AKAP8L: variants seen among roughly 807,000 people sequenced by gnomAD.
AKAP8L encodes the protein A-kinase anchoring protein 8 like.
A neutral mutation model predicts 77.5 loss-of-function variants in AKAP8L; 34 were observed. The ratio of observed to expected loss-of-function variants is 0.44; its 90% CI spans 0.33 to 0.58. The LOEUF (loss-of-function observed/expected upper bound fraction) is 0.58. Ranked by LOEUF, AKAP8L falls within the 20% of genes least tolerant of loss-of-function variation. The pLI is 0.02. For synonymous variants in AKAP8L, 342 were observed against 340.7 expected (o/e 1.00, Z -0.04); for missense variants, 806 against 887.6 (o/e 0.91, Z 1.17).
chr19:15,416,634 C>T (rs1968212669), intron 1 of AKAP8L, among the ~76,000 whole-genome samples: 1 of 152,214 alleles, frequency 6.6e-6, no homozygotes, highest in Admixed American at 6.5e-5. Context: ...AATCACCTAT[C>T]CATTCCAAAC....
At chr19:15,405,324 A>C (rs1967974920) in intron 2 of AKAP8L, among the ~76,000 whole-genome samples, 1 of 152,154 alleles carries the variant, frequency 6.6e-6, no homozygotes. Context: ...ACCTGAGGTC[A>C]GGAGTTTGAA....
At position 15,399,087 on chromosome 19, in the gene AKAP8L, A is replaced by G. The variant is rs1599605342; in HGVS notation, c.1157+215T>C. 3.5e-6 allele frequency: 2 copies of G among 579,280 alleles called. No homozygotes were observed. The highest frequency in any genetic ancestry group is 6.0e-5 in the East Asian group (2 of 33,126). The allele number at this position is 579,280 out of a possible 1,614,324, so 35.9% of individuals were successfully genotyped here. ...CGAGCGGTGTCAGGTCTCGGCCCAC[A>G]GACGCCAGCGGTCGCCAGGCGGCCG... On this transcript the variant is annotated intron_variant, in intron 9 of 13. Transcript: ENST00000397410. The surrounding 1 kb of genome is among the most constrained non-coding windows in gnomAD (Gnocchi z 6.1).
chr19:15,389,252 A>C, intron 12 of AKAP8L, among the ~76,000 whole-genome samples: 1 of 151,132 alleles, frequency 6.6e-6, no homozygotes, highest in Non-Finnish European at 1.5e-5. Context: ...AAAAAAAAAG[A>C]ATTAGTGAAC....
chr19:15,397,849 C>G lies in AKAP8L; in HGVS notation c.1164G>C (p.Gln388His), dbSNP rs753152917. 1.2e-6 allele frequency: 2 copies of G among 1,613,776 alleles called. No homozygotes were observed. Among genetic ancestry groups the G allele is most frequent in the Non-Finnish European group, 1.7e-6 (2 of 1,179,816 alleles). Residue 388 changes from glutamine to histidine, a missense_variant, in exon 10 of 14, where the codon CAG (glutamine) becomes CAC (histidine). This residue lies in a region of AKAP8L where 580 missense variants were observed against 694.1 expected (regional missense o/e 0.84). Coordinates refer to ENST00000397410, the MANE Select transcript of AKAP8L (RefSeq NM_014371.4). The surrounding 1 kb of genome is among the most constrained non-coding windows in gnomAD (Gnocchi z 4.7). ...RQRDRMVERI[Q>H]FVCSLCKYRT... Reference sequence around the variant, plus strand: ...GGTATTTGCACAGAGAACACACAAACTGGATCCTGCCACAGGAAGGAAACG... The same window carrying G: ...GGTATTTGCACAGAGAACACACAAAGTGGATCCTGCCACAGGAAGGAAACG...
In AKAP8L at chr19:15,401,347, C is replaced by A. The variant is rs1342512755; in HGVS notation, c.619G>T (p.Ala207Ser). 8 of 1,613,376 alleles carry A rather than the reference C, an allele frequency of 5.0e-6. No homozygotes were observed. The highest frequency in any genetic ancestry group is 3.3e-5 in the Admixed American group (2 of 60,028). ...GCACCAGACATGCACTGGCCCCGGGCCCCCATGGGGTCTTCCCACATGCGC... is the reference window on the plus strand; with the variant it reads ...GCACCAGACATGCACTGGCCCCGGGACCCCATGGGGTCTTCCCACATGCGC... ...YGRMWEDPMG[A>S]RGQCMSGASR... The change falls in exon 5 of 14, where the codon GCC (alanine) becomes TCC (serine). Residue 207 changes from alanine (A) to serine (S), a missense_variant. Around this residue, in one of 2 missense-constraint regions of AKAP8L, gnomAD observed 580 missense variants for 694.1 expected, o/e 0.84. Coordinates refer to ENST00000397410, the MANE Select transcript of AKAP8L (RefSeq NM_014371.4). The surrounding 1 kb of genome is among the most constrained non-coding windows in gnomAD (Gnocchi z 6.2).
At position 15,397,381 on chromosome 19, in the gene AKAP8L, C is replaced by T; in HGVS notation, c.1406-101G>A. The T allele has an allele frequency of 6.6e-7, 1 of 1,513,938 alleles. No individual in the cohort carries two copies. Among genetic ancestry groups the T allele is most frequent in the Non-Finnish European group, 9.0e-7 (1 of 1,108,034 alleles). The allele number at this position is 1,513,938 out of a possible 1,614,324, so 93.8% of individuals were successfully genotyped here. ...ACCAGCTCCTCCTCAACTCGCCCTGCCACTTCCACCTGGGCCTGAGCCAAG... is the reference window on the plus strand; with the variant it reads ...ACCAGCTCCTCCTCAACTCGCCCTGTCACTTCCACCTGGGCCTGAGCCAAG... On this transcript the variant is annotated intron_variant, in intron 11 of 13. Transcript: ENST00000397410. The surrounding 1 kb of genome is among the most constrained non-coding windows in gnomAD (Gnocchi z 4.7).
At chr19:15,417,719 C>G (rs1012644291) in intron 1 of AKAP8L, 1 of 152,232 alleles carries the variant, frequency 6.6e-6, no homozygotes, top group Non-Finnish European at 1.5e-5. Context: ...CACAGACTCA[C>G]GTTGCATTCT....
At chr19:15,413,005 C>T (rs988974930) in intron 1 of AKAP8L, among the ~76,000 whole-genome samples, 1 of 152,200 alleles carries the variant, frequency 6.6e-6, no homozygotes, top group African/African-American at 2.4e-5. Flanking sequence ...AGTGCCTTCC[C>T]CCTGGGTAAG....
chr19:15,386,679 T>C (rs1414047712), intron 12 of AKAP8L, among the ~76,000 whole-genome samples: 1 of 152,020 alleles, frequency 6.6e-6, no homozygotes, highest in African/African-American at 2.4e-5. Context: ...TTTTCTGAGT[T>C]GGAGTTTCAC....
intron 12 of AKAP8L, among the ~76,000 whole-genome samples, chr19:15,394,245 G>A (rs1356977880): frequency 6.6e-6 from 1 of 152,152 alleles, no homozygotes; most frequent in Non-Finnish European, 1.5e-5. Context: ...CCATATGAAG[G>A]AATGAAGTTC....
chr19:15,399,993 C>A lies in AKAP8L; in HGVS notation c.1048+302G>T. The A allele has an allele frequency of 5.9e-6, 3 of 505,564 alleles. No homozygotes were observed. Among genetic ancestry groups the A allele is most frequent in the Non-Finnish European group, 1.1e-5 (3 of 281,746 alleles). The allele number at this position is 505,564 out of a possible 1,614,324, so 31.3% of individuals were successfully genotyped here. A position where few individuals can be genotyped will look rare whatever the true frequency, so the allele number is the denominator to read the frequency against. On this transcript the variant is annotated intron_variant, in intron 8 of 13. Coordinates refer to ENST00000397410, the MANE Select transcript of AKAP8L (RefSeq NM_014371.4). This position sits in a 1 kb window ranked among gnomAD's most constrained non-coding sequence, Gnocchi z 6.1. The stretch of plus-strand genomic sequence containing the variant: ...CTTGGAACTGCGCGTTACTGAGGGA[C>A]CGAGGGCAGGGGGCGTGCCTGGGGT...
At chr19:15,385,023 G>C (rs1967501181) in intron 12 of AKAP8L, among the ~76,000 whole-genome samples, 1 of 151,160 alleles carries the variant, frequency 6.6e-6, no homozygotes, top group African/African-American at 2.5e-5. Flanking sequence ...TGTTGCCCAG[G>C]CTGGAGTGCA....
chr19:15,381,944 C>T (rs1227426261), intron 12 of AKAP8L: 1 of 152,234 alleles, frequency 6.6e-6, no homozygotes, highest in Non-Finnish European at 1.5e-5. Flanking sequence ...GCCCAATTAA[C>T]TGCAGAACAT....
chr19:15,400,661 C>T, intron 7 of AKAP8L, 133 bp downstream of exon 7: 1 of 1,158,346 alleles, frequency 8.6e-7, no homozygotes, highest in Non-Finnish European at 1.3e-6. Flanking sequence ...TGCCAGACCA[C>T]ACTGCCTCCC....
intron 1 of AKAP8L, among the ~76,000 whole-genome samples, chr19:15,415,873 A>G (rs1477346522): frequency 3.7e-5 from 5 of 136,980 alleles, no homozygotes; most frequent in East Asian, 2.3e-4. Flanking sequence ...GTGACAGAGC[A>G]AGACTCCGTC....
intron 2 of AKAP8L, 103 bp downstream of exon 2, chr19:15,410,417 G>T: frequency 2.0e-6 from 2 of 1,003,480 alleles, no homozygotes; most frequent in Non-Finnish European, 3.0e-6. Context: ...ACAAGTTTAG[G>T]TTTAAAAAAG....
In AKAP8L at chr19:15,399,005, G is replaced by A; in HGVS notation, c.1157+297C>T. On this transcript the variant is annotated intron_variant, in intron 9 of 13. Transcript: ENST00000397410. The surrounding 1 kb of genome is among the most constrained non-coding windows in gnomAD (Gnocchi z 6.1). ...CCCTCAGGGGCATCAGGCCCCCAGT[G>A]CACCTTGGGGTTCGTGCGCCGAGTG... 1 of 423,438 alleles carries A rather than the reference G, an allele frequency of 2.4e-6. No homozygotes were observed. Among genetic ancestry groups the A allele is most frequent in the Non-Finnish European group, 4.3e-6 (1 of 231,252 alleles). The allele number at this position is 423,438 out of a possible 1,614,324, so 26.2% of individuals were successfully genotyped here.
chr19:15,402,344 C>A (rs1313482958), intron 4 of AKAP8L, among the ~76,000 whole-genome samples: 1 of 152,180 alleles, frequency 6.6e-6, no homozygotes, highest in African/African-American at 2.4e-5. Flanking sequence ...CACACCCCTA[C>A]AGGCCTGGAC....
At chr19:15,382,245 G>T (rs865885206) in intron 12 of AKAP8L, among the ~76,000 whole-genome samples, 2 of 142,536 alleles carry the variant, frequency 1.4e-5, no homozygotes, top group African/African-American at 5.3e-5. Flanking sequence ...TCGCTCTGTC[G>T]CCCAGGCTGG....
Sources: gnomAD v4.1 joint callset for allele counts (sites outside exome capture counted in the v4.1 genomes callset) on GRCh38, gnomAD v4.1.1 for gene constraint, gnomAD v4.1.1 regional missense constraint, Gnocchi (gnomAD v3.1) non-coding constraint, MANE v1.5 for transcripts, NCBI Gene and HGNC (gene_info 2026-07-23, HGNC 2026-07-21) for gene names.